Variants in RGS22 observed in about 807,000 individuals in gnomAD.
RGS22 encodes the protein regulator of G-protein signaling 22.
RGS22 carries 148 observed loss-of-function variants against 172.9 expected under a neutral mutation model. The observed-to-expected ratio is 0.86, with a 90% confidence interval of 0.75 to 0.98. The LOEUF (loss-of-function observed/expected upper bound fraction) is 0.98, where lower values mean the gene tolerates loss of function less well. RGS22 is among the 50% of genes least tolerant of loss of function. RGS22 has a pLI of 0.00. For missense variants in RGS22, 1,347 were observed against 1,440.8 expected (o/e 0.93, Z 1.05); for synonymous variants, 458 against 480.2 (o/e 0.95, Z 0.60).
rs141398658 is a variant in RGS22 at position 100,018,953 on chromosome 8, G to A, written c.2167-10384C>T. 2.4e-3 allele frequency among the ~76,000 whole-genome samples: 358 copies of A among 146,546 alleles called. 3 individuals are homozygous for A. Among genetic ancestry groups the A allele is most frequent in the African/African-American group, 8.5e-3 (336 of 39,384 alleles). On this transcript the variant is annotated intron_variant, in intron 14 of 27. Coordinates refer to ENST00000360863, the MANE Select transcript of RGS22 (RefSeq NM_015668.5). Reference sequence around the variant, plus strand: ...CATACCTGAGAAATGAAAATTGTGTGTTTATTGAATTTATTGTTTTTAACA... The same window carrying A: ...CATACCTGAGAAATGAAAATTGTGTATTTATTGAATTTATTGTTTTTAACA...
chr8:100,021,239 CTG>C (rs1462850577), intron 14 of RGS22, among the ~76,000 whole-genome samples: 1 of 152,238 alleles, frequency 6.6e-6, no homozygotes, highest in African/African-American at 2.4e-5. Context: ...CTTACATACT[CTG>C]TTTAACAGAC....
intron 23 of RGS22, among the ~76,000 whole-genome samples, chr8:99,971,059 A>G (rs2131127980): frequency 6.6e-6 from 1 of 152,374 alleles, no homozygotes; most frequent in South Asian, 2.1e-4. Context: ...CCTGGGATGC[A>G]AGGCTGGTTC....
intron 11 of RGS22, among the ~76,000 whole-genome samples, chr8:100,044,678 T>C (rs552930683): frequency 1.3e-4 from 19 of 150,842 alleles, no homozygotes; most frequent in Non-Finnish European, 2.1e-4. Context: ...TTCAAGTTCC[T>C]TATTCTCTGC....
intron 14 of RGS22, among the ~76,000 whole-genome samples, chr8:100,037,512 A>G (rs1032442945): frequency 2.6e-5 from 4 of 152,194 alleles, no homozygotes; most frequent in Non-Finnish European, 5.9e-5. Flanking sequence ...GAAAATCCCA[A>G]AACAGAATAG....
intron 6 of RGS22, among the ~76,000 whole-genome samples, chr8:100,070,474 A>G (rs1228350762): frequency 6.6e-6 from 1 of 152,236 alleles, no homozygotes; most frequent in Non-Finnish European, 1.5e-5. Context: ...TGTCTTTACT[A>G]TCAAGAACTC....
rs376682466 is a variant in RGS22 at position 99,978,121 on chromosome 8, A to T, written c.3361-46T>A. ...GATTACAATTTTATACAAAGGTACCAATTTAAACTCTATTCACCATAATAA... is the reference window on the plus strand; with the variant it reads ...GATTACAATTTTATACAAAGGTACCTATTTAAACTCTATTCACCATAATAA... On this transcript the variant is annotated intron_variant, in intron 22 of 27. Coordinates refer to ENST00000360863, the MANE Select transcript of RGS22 (RefSeq NM_015668.5). 83 of 1,136,174 alleles carry T rather than the reference A, an allele frequency of 7.3e-5. No individual in the cohort carries two copies. In the Middle Eastern group the frequency reaches 9.3e-4, roughly 13 times the overall value. 70.4% of individuals were successfully genotyped at this position (1,136,174 alleles called of 1,614,324 possible). A position where few individuals can be genotyped will look rare whatever the true frequency, so the allele number is the denominator to read the frequency against.
chr8:100,008,675 C>T, intron 14 of RGS22, 106 bp from the exon 15 acceptor site: 2 of 746,378 alleles, frequency 2.7e-6, no homozygotes, highest in Admixed American at 3.3e-5. Context: ...GGCAAATAAG[C>T]CCACGTGATA....
chr8:100,098,092 G>C (rs1314282002), intron 2 of RGS22, among the ~76,000 whole-genome samples: 5 of 152,110 alleles, frequency 3.3e-5, no homozygotes, highest in Non-Finnish European at 7.3e-5. Flanking sequence ...TTCTTCTCCA[G>C]AAGTCTGGAG....
At chr8:100,105,278 A>G (rs903762780) in intron 2 of RGS22, 96 bp downstream of exon 2, 51 of 977,062 alleles carry the variant, frequency 5.2e-5, no homozygotes, top group Admixed American at 1.4e-4. Flanking sequence ...TCTGGCAAAA[A>G]GGAGGAAAGA....
At position 100,072,877 on chromosome 8, in the gene RGS22, A is replaced by T. The variant is rs371102912; in HGVS notation, c.340-647T>A. On this transcript the variant is annotated intron_variant, in intron 4 of 27. Transcript: ENST00000360863. ...GTTGAGCAGGGAAGCAAAAGAGGAG[A>T]CAAACCATAAGTGTAGCAGTATTAG... Among the ~76,000 whole-genome samples, 3 of 152,216 alleles carry T rather than the reference A, an allele frequency of 2.0e-5. No homozygotes were observed. In the East Asian group the frequency reaches 5.8e-4, roughly 29 times the overall value.
chr8:100,014,692 T>G (rs1171951246), intron 14 of RGS22, among the ~76,000 whole-genome samples: 2 of 152,206 alleles, frequency 1.3e-5, no homozygotes, highest in African/African-American at 4.8e-5. Flanking sequence ...CCTTAAAAGA[T>G]GACACTCACT....
chr8:100,102,946 C>CA (rs1813615479), intron 2 of RGS22, among the ~76,000 whole-genome samples: 1 of 152,198 alleles, frequency 6.6e-6, no homozygotes, highest in Admixed American at 6.5e-5. Context: ...AGTTAGTTAA[C>CA]CACTGTGAAC....
At chr8:100,091,473 A>G (rs1432162329) in intron 3 of RGS22, among the ~76,000 whole-genome samples, 1 of 152,156 alleles carries the variant, frequency 6.6e-6, no homozygotes, top group Non-Finnish European at 1.5e-5. Context: ...CCTGTCACCT[A>G]AAGTCTGAAA....
At chr8:100,096,419 GT>G (rs1003049968) in intron 2 of RGS22, among the ~76,000 whole-genome samples, 2 of 152,144 alleles carry the variant, frequency 1.3e-5, no homozygotes, top group Non-Finnish European at 2.9e-5. Flanking sequence ...CTTGAAACCT[GT>G]TTTTTCATGT....
chr8:99,986,302 T>C (rs1813093419), intron 21 of RGS22, among the ~76,000 whole-genome samples: 1 of 152,134 alleles, frequency 6.6e-6, no homozygotes, highest in African/African-American at 2.4e-5. Context: ...CAGAAAAGGG[T>C]AGAAAACAAT....
chr8:100,069,996 C>CCAG (rs1354227532), intron 6 of RGS22, among the ~76,000 whole-genome samples: 1 of 137,350 alleles, frequency 7.3e-6, no homozygotes, highest in Non-Finnish European at 1.5e-5. Flanking sequence ...CCACTGCACT[C>CCAG]CAGCCTGGGT....
chr8:99,998,941 G>A (rs907481920), intron 19 of RGS22, among the ~76,000 whole-genome samples: 1 of 152,128 alleles, frequency 6.6e-6, no homozygotes, highest in African/African-American at 2.4e-5. Context: ...AGGACTGCTT[G>A]AGCCTAGGAG....
At chr8:100,048,884 T>C (rs1820996835) in intron 10 of RGS22, among the ~76,000 whole-genome samples, 1 of 152,132 alleles carries the variant, frequency 6.6e-6, no homozygotes, top group Non-Finnish European at 1.5e-5. Flanking sequence ...ATTTGCAAGA[T>C]GAGAAAGTTC....
At chr8:100,075,905 T>C (rs560348344) in intron 4 of RGS22, among the ~76,000 whole-genome samples, 3 of 152,340 alleles carry the variant, frequency 2.0e-5, no homozygotes, top group Non-Finnish European at 2.9e-5. Context: ...TTGCCCTTTT[T>C]TTTTTAATCA....
Sources: gnomAD v4.1 joint callset for allele counts (sites outside exome capture counted in the v4.1 genomes callset) on GRCh38, gnomAD v4.1.1 for gene constraint, MANE v1.5 for transcripts, NCBI Gene and HGNC (gene_info 2026-07-23, HGNC 2026-07-21) for gene names.